Variants in LUC7L3 observed in about 807,000 individuals in gnomAD.
LUC7L3 encodes the protein LUC7 like 3 pre-mRNA splicing factor, also known as luc7-like protein 3.
LUC7L3 carries 6 observed loss-of-function variants against 66.8 expected under a neutral mutation model. The ratio of observed to expected loss-of-function variants is 0.09; its 90% CI spans 0.05 to 0.18. The LOEUF (loss-of-function observed/expected upper bound fraction) is 0.18. Ranked by LOEUF, LUC7L3 falls within the 10% of genes least tolerant of loss-of-function variation. The pLI, the probability that LUC7L3 is intolerant of heterozygous loss-of-function variation, is 1.00. For missense variants in LUC7L3, 341 were observed against 531.1 expected (o/e 0.64, Z 3.52); for synonymous variants, 160 against 174.7 (o/e 0.92, Z 0.66).
intron 2 of LUC7L3, 84 bp from the exon 3 acceptor site, chr17:50,740,222 A>G: frequency 1.9e-6 from 2 of 1,077,970 alleles, no homozygotes; most frequent in South Asian, 1.4e-5. Flanking sequence ...TTTCTTTTTA[A>G]AAAGAAAAAT....
At chr17:50,750,449 C>A in intron 9 of LUC7L3, 52 bp from the exon 10 acceptor site, 1 of 1,523,322 alleles carries the variant, frequency 6.6e-7, no homozygotes, top group South Asian at 1.2e-5. Flanking sequence ...AAAATCATGT[C>A]TTTATTGTAT....
intron 9 of LUC7L3, chr17:50,748,512 TG>T (rs1261108529): frequency 6.7e-6 from 1 of 150,054 alleles, no homozygotes; most frequent in Non-Finnish European, 1.5e-5. Context: ...GGGGTAGAGA[TG>T]GGGTTTTGCC....
chr17:50,744,410 G>A (rs192593481), intron 6 of LUC7L3, among the ~76,000 whole-genome samples: 2 of 152,334 alleles, frequency 1.3e-5, no homozygotes, highest in African/African-American at 4.8e-5. Flanking sequence ...GTAAGGTAAT[G>A]TGGGTGTTGA....
Position 50,751,486 on chromosome 17 carries a change from G to C in LUC7L3, c.*825G>C, listed in dbSNP as rs534137256. The C allele has an allele frequency of 3.4e-6, 4 of 1,192,780 alleles. No individual in the cohort carries two copies. The highest frequency in any genetic ancestry group is 4.2e-6 in the Non-Finnish European group (4 of 941,956). 73.9% of individuals were successfully genotyped at this position (1,192,780 alleles called of 1,614,324 possible). A position where few individuals can be genotyped will look rare whatever the true frequency, so the allele number is the denominator to read the frequency against. ...TACAAGAAGTGCAGAGGGGTTTTTT[G>C]TGTATTGCGTGAAAACTTATAAAAC... On this transcript the variant is annotated 3_prime_UTR_variant, in exon 10 of 10. Transcript: ENST00000505658.
intron 2 of LUC7L3, chr17:50,738,043 G>T: frequency 2.5e-6 from 1 of 399,756 alleles, no homozygotes; most frequent in Non-Finnish European, 4.9e-6. Context: ...GTTAAAAAAA[G>T]AATGTAAAAC....
chr17:50,723,560 C>T (rs1382863930), intron 1 of LUC7L3: 1 of 153,724 alleles, frequency 6.5e-6, no homozygotes, highest in Non-Finnish European at 1.4e-5. Flanking sequence ...ATGTATTTTA[C>T]TAGTTTTCAT....
intron 9 of LUC7L3, chr17:50,748,508 G>A (rs1252117620): frequency 1.3e-5 from 2 of 150,770 alleles, no homozygotes; most frequent in Non-Finnish European, 2.9e-5. Flanking sequence ...TGGGGGGGTA[G>A]AGATGGGGTT....
intron 2 of LUC7L3, 126 bp downstream of exon 2, chr17:50,737,152 A>G (rs1970032482): frequency 2.9e-6 from 2 of 678,560 alleles, no homozygotes; most frequent in Non-Finnish European, 5.0e-6. Context: ...GCTAATAAGT[A>G]ATTTCTTACT....
At position 50,719,612 on chromosome 17, in the gene LUC7L3, G is replaced by C; in HGVS notation, c.-121G>C. Reference sequence around the variant, plus strand: ...GCGCGGCGGCCATTTTGTCTTGTCGGCTCCTGTGTGTAGGAGGGATTTCGG... The same window carrying C: ...GCGCGGCGGCCATTTTGTCTTGTCGCCTCCTGTGTGTAGGAGGGATTTCGG... On this transcript the variant is annotated 5_prime_UTR_variant, in exon 1 of 10. Coordinates refer to ENST00000505658, the MANE Select transcript of LUC7L3 (RefSeq NM_016424.5). The C allele has an allele frequency of 1.3e-6, 1 of 750,636 alleles. No homozygotes were observed. Among genetic ancestry groups the C allele is most frequent in the Non-Finnish European group, 2.2e-6 (1 of 463,330 alleles). 46.5% of individuals were successfully genotyped at this position (750,636 alleles called of 1,614,324 possible).
chr17:50,743,661 G>A lies in LUC7L3; in HGVS notation c.427-45G>A, dbSNP rs1970492256. ...CCATGGGGAAAAAAGACAATAGTTG[G>A]GTTTGAAAGAAATCTTAACTGTTTT... is the stretch of plus-strand genomic sequence containing the variant. On this transcript the variant is annotated intron_variant, in intron 5 of 9. Coordinates refer to ENST00000505658, the MANE Select transcript of LUC7L3 (RefSeq NM_016424.5). 2.4e-6 allele frequency: 3 copies of A among 1,225,382 alleles called. No homozygotes were observed. In the South Asian group the frequency reaches 3.8e-5, roughly 16 times the overall value. The allele number at this position is 1,225,382 out of a possible 1,614,324, so 75.9% of individuals were successfully genotyped here. A position where few individuals can be genotyped will look rare whatever the true frequency, so the allele number is the denominator to read the frequency against.
intron 1 of LUC7L3, 95 bp downstream of exon 1, chr17:50,719,926 G>A (rs1400117236): frequency 3.5e-6 from 4 of 1,146,960 alleles, no homozygotes; most frequent in Admixed American, 5.4e-5. Flanking sequence ...GATGTGGCCA[G>A]GGCCGCACCC....
At chr17:50,740,532 C>CTGTA (rs1240313887) in intron 3 of LUC7L3, among the ~76,000 whole-genome samples, 187 bp downstream of exon 3, 1 of 151,994 alleles carries the variant, frequency 6.6e-6, no homozygotes, top group East Asian at 1.9e-4. Flanking sequence ...TGAGTGCACC[C>CTGTA]TGTATGTCAG....
At position 50,746,777 on chromosome 17, in the gene LUC7L3, A is replaced by G. The variant is rs1043879470; in HGVS notation, c.1138+75A>G. 2.4e-4 allele frequency: 324 copies of G among 1,327,500 alleles called. 1 individual carries two copies. Among genetic ancestry groups the G allele is most frequent in the South Asian group, 1.5e-4 (11 of 72,846 alleles). The allele number at this position is 1,327,500 out of a possible 1,614,324, so 82.2% of individuals were successfully genotyped here. ...TCGCCCCACTCACTTTTCTCCAGAC[A>G]CAGGCAAAGATCCATTTCATACATA... On this transcript the variant is annotated intron_variant, in intron 9 of 9. Coordinates refer to ENST00000505658, the MANE Select transcript of LUC7L3 (RefSeq NM_016424.5).
At chr17:50,723,683 C>T in intron 1 of LUC7L3, 1 of 163,072 alleles carries the variant, frequency 6.1e-6, no homozygotes. Context: ...GAGACAGAGT[C>T]TAGCTCTGTC....
At chr17:50,727,372 G>A (rs1166137111) in intron 1 of LUC7L3, among the ~76,000 whole-genome samples, 1 of 152,190 alleles carries the variant, frequency 6.6e-6, no homozygotes, top group African/African-American at 2.4e-5. Context: ...ATGGCAGAAG[G>A]GGAGCTAGCA....
intron 9 of LUC7L3, among the ~76,000 whole-genome samples, chr17:50,748,926 A>ATC (rs1970846285): frequency 6.6e-6 from 1 of 152,206 alleles, no homozygotes; most frequent in African/African-American, 2.4e-5. Flanking sequence ...CCATGTAGCC[A>ATC]TCTAGGCACT....
chr17:50,752,098 A>G lies in LUC7L3; in HGVS notation c.*1437A>G, dbSNP rs1225282934. On this transcript the variant is annotated 3_prime_UTR_variant, in exon 10 of 10. Coordinates refer to ENST00000505658, the MANE Select transcript of LUC7L3 (RefSeq NM_016424.5). ...AAAAGAATACAAGCATTCCATGTAC[A>G]CATGTTAATTAGCAGTTAGTGACTG... The G allele has an allele frequency of 1.6e-6, 2 of 1,248,862 alleles. No individual in the cohort carries two copies. The highest frequency in any genetic ancestry group is 3.1e-5 in the African/African-American group (2 of 63,730). The allele number at this position is 1,248,862 out of a possible 1,614,324, so 77.4% of individuals were successfully genotyped here.
At chr17:50,741,583 G>A (rs1970349550) in intron 4 of LUC7L3, 74 bp from the exon 5 acceptor site, 1 of 820,650 alleles carries the variant, frequency 1.2e-6, no homozygotes, top group Admixed American at 2.4e-5. Context: ...GAAATATTAT[G>A]TATGGTATGT....
intron 1 of LUC7L3, chr17:50,723,886 C>T (rs896078833): frequency 4.6e-6 from 2 of 438,382 alleles, no homozygotes; most frequent in African/African-American, 4.1e-5. Context: ...CGGTCCGCCT[C>T]AGTCTCCCAA....
Sources: allele counts gnomAD v4.1 joint callset (sites outside exome capture counted in the v4.1 genomes callset), GRCh38; gene constraint gnomAD v4.1.1; transcripts MANE v1.5; gene names NCBI Gene and HGNC (gene_info 2026-07-23, HGNC 2026-07-21).